The following CELA1 variants were observed in gnomAD, a reference collection of about 807,000 sequenced individuals.
CELA1 encodes chymotrypsin-like elastase family member 1.
A neutral mutation model predicts 34.8 loss-of-function variants in CELA1; 28 were observed. The observed-to-expected ratio is 0.80, with a 90% CI of 0.60 to 1.10. The LOEUF is 1.10. Ranked by LOEUF, CELA1 falls within the 50% of genes least tolerant of loss-of-function variation. The pLI is 0.00. For synonymous variants in CELA1, 140 were observed against 129.8 expected (o/e 1.08, Z -0.53); for missense variants, 288 against 327.5 (o/e 0.88, Z 0.93).
Position 51,339,905 on chromosome 12 carries a change from G to C in CELA1, c.564C>G (p.Asn188Lys), listed in dbSNP as rs747501515. 6.2e-7 allele frequency: 1 copy of C among 1,614,192 alleles called. No individual in the cohort carries two copies. Among genetic ancestry groups the C allele is most frequent in the South Asian group, 1.1e-5 (1 of 91,090 alleles). The change falls in exon 6 of 8, where the codon AAC becomes AAG. Residue 188 changes from asparagine to lysine, a missense_variant. Physicochemically the swap from Asn to Lys is moderately conservative, Grantham distance 94. Transcript: ENST00000293636. ...SSSYWGSTVK[N>K]TMVCAGGDGV... ...CATCTCCACCAGCACACACCATGGT[G>C]TTCTTCACAGTGGAGCCCCAGTAGG...
intron 4 of CELA1, 64 bp from the exon 5 acceptor site, chr12:51,341,444 C>A: frequency 1.9e-6 from 3 of 1,561,094 alleles, no homozygotes; most frequent in Non-Finnish European, 2.6e-6. Flanking sequence ...AGCATATACA[C>A]TGGCCCTCTC....
At chr12:51,340,394 T>C (rs1363624899) in intron 5 of CELA1, among the ~76,000 whole-genome samples, 2 of 149,148 alleles carry the variant, frequency 1.3e-5, no homozygotes, top group East Asian at 3.9e-4. Flanking sequence ...CTTTCTTTTT[T>C]TTTTTTTTTT....
chr12:51,346,657 C>A lies in CELA1; in HGVS notation c.-19G>T. 6.3e-7 allele frequency: 1 copy of A among 1,593,576 alleles called. No individual in the cohort carries two copies. Among genetic ancestry groups the A allele is most frequent in the Non-Finnish European group, 8.6e-7 (1 of 1,164,986 alleles). On this transcript the variant is annotated 5_prime_UTR_variant, in exon 1 of 8. Transcript: ENST00000293636. Reference sequence around the variant, plus strand: ...CCAGCATGTTGCCGATGGAGTAGACCACTGCCTTCTTGCTTGGACCAAGCC... The same window carrying A: ...CCAGCATGTTGCCGATGGAGTAGACAACTGCCTTCTTGCTTGGACCAAGCC...
chr12:51,334,411 TC>T (rs1338452104), intron 6 of CELA1, among the ~76,000 whole-genome samples: 3 of 152,110 alleles, frequency 2.0e-5, no homozygotes, highest in Admixed American at 2.0e-4. Context: ...TTCTTTGTAC[TC>T]ATACACACAA....
intron 4 of CELA1, among the ~76,000 whole-genome samples, chr12:51,342,333 C>T (rs2137482844): frequency 6.6e-6 from 1 of 152,316 alleles, no homozygotes; most frequent in African/African-American, 2.4e-5. Flanking sequence ...CTGTGCCTGG[C>T]TCAGAACCTA....
chr12:51,346,644 C>T lies in CELA1; in HGVS notation c.-6G>A, dbSNP rs752779760. ...TTACCATAAAGGACCAGCATGTTGCCGATGGAGTAGACCACTGCCTTCTTG... is the reference window on the plus strand; with the variant it reads ...TTACCATAAAGGACCAGCATGTTGCTGATGGAGTAGACCACTGCCTTCTTG... On this transcript the variant is annotated 5_prime_UTR_variant, in exon 1 of 8. Coordinates refer to ENST00000293636, the MANE Select transcript of CELA1 (RefSeq NM_001971.6). The T allele has an allele frequency of 3.3e-6, 5 of 1,497,376 alleles. No homozygotes were observed. Among genetic ancestry groups the T allele is most frequent in the South Asian group, 1.2e-5 (1 of 86,614 alleles). The allele number at this position is 1,497,376 out of a possible 1,614,324, so 92.8% of individuals were successfully genotyped here.
rs1240306121 is a variant in CELA1, at chr12:51,341,323, C to T, written c.384G>A (p.Gln128=). ...AQSVTLNSYV[Q]LGVLPQEGAI... ...CTCCCTCCTGGGGCAGAACACCCAGCTGGACATAGCTATTGAGGGTAACGC... is the reference window on the plus strand; with the variant it reads ...CTCCCTCCTGGGGCAGAACACCCAGTTGGACATAGCTATTGAGGGTAACGC... The change falls in exon 5 of 8, where the codon CAG becomes CAA. Residue 128 remains glutamine, a synonymous_variant. Coordinates refer to ENST00000293636, the MANE Select transcript of CELA1 (RefSeq NM_001971.6). 2.5e-6 allele frequency: 4 copies of T among 1,614,196 alleles called. No homozygotes were observed. In the Middle Eastern group the frequency reaches 6.6e-4, roughly 266 times the overall value.
intron 7 of CELA1, 102 bp from the exon 8 acceptor site, chr12:51,328,696 G>T: frequency 7.4e-7 from 1 of 1,359,342 alleles, no homozygotes; most frequent in Non-Finnish European, 1.0e-6. Context: ...CTGGGTTTAT[G>T]GGAAGTTGAC....
intron 7 of CELA1, 41 bp downstream of exon 7, chr12:51,329,643 C>A: frequency 6.4e-7 from 1 of 1,563,404 alleles, no homozygotes; most frequent in South Asian, 1.2e-5. Flanking sequence ...GCGTAGGTCT[C>A]CAGGTGACCC....
chr12:51,342,507 A>G, intron 4 of CELA1, 68 bp downstream of exon 4: 15 of 1,608,024 alleles, frequency 9.3e-6, no homozygotes, highest in Non-Finnish European at 1.2e-5. Flanking sequence ...AGAACAGGTG[A>G]AGGCAGCCAG....
intron 6 of CELA1, among the ~76,000 whole-genome samples, chr12:51,337,092 G>A (rs1330460653): frequency 1.3e-5 from 2 of 152,140 alleles, no homozygotes. Context: ...TGCCTCTCTA[G>A]TCTTACCTCC....
At chr12:51,342,552 G>A in intron 4 of CELA1, 23 bp downstream of exon 4, 2 of 1,613,820 alleles carry the variant, frequency 1.2e-6, no homozygotes, top group Non-Finnish European at 1.7e-6. Context: ...CCCAGCCCAG[G>A]GCCAGCTTGG....
In CELA1 at chr12:51,329,532, G is replaced by C. The variant is rs1018780679; in HGVS notation, c.759+152C>G. The stretch of plus-strand genomic sequence containing the variant: ...AGGATGGCAGCCTTATTGAAGGAAA[G>C]TACACCGTGGAAGGAAGGGAAGGGA... On this transcript the variant is annotated intron_variant, in intron 7 of 7. Coordinates refer to ENST00000293636, the MANE Select transcript of CELA1 (RefSeq NM_001971.6). The C allele has an allele frequency of 5.0e-6, 4 of 794,108 alleles. No homozygotes were observed. The African/African-American group carries it at 5.2e-5, about 10-fold the overall frequency. 49.2% of individuals were successfully genotyped at this position (794,108 alleles called of 1,614,324 possible). A position where few individuals can be genotyped will look rare whatever the true frequency, so the allele number is the denominator to read the frequency against.
intron 6 of CELA1, among the ~76,000 whole-genome samples, chr12:51,337,067 T>G (rs1592296678): frequency 6.6e-6 from 1 of 152,228 alleles, no homozygotes; most frequent in Non-Finnish European, 1.5e-5. Flanking sequence ...AGCCCTGAGT[T>G]GTACAGCTCT....
intron 4 of CELA1, 89 bp from the exon 5 acceptor site, chr12:51,341,469 C>G: frequency 2.1e-6 from 3 of 1,456,706 alleles, no homozygotes; most frequent in Non-Finnish European, 9.4e-7. Flanking sequence ...CATTTGTATC[C>G]CCGTGGAATT....
At chr12:51,338,289 T>C (rs10747610) in intron 6 of CELA1, among the ~76,000 whole-genome samples, 46,444 of 116,434 alleles carry the variant, frequency 0.4, 9,167 homozygotes, top group East Asian at 0.72. Flanking sequence ...CACACACACA[T>C]ACACATACGC....
chr12:51,344,819 G>A (rs547797431), intron 2 of CELA1, among the ~76,000 whole-genome samples: 1 of 152,112 alleles, frequency 6.6e-6, no homozygotes, highest in South Asian at 2.1e-4. Flanking sequence ...CCACTTCAGG[G>A]ACTACTTAGA....
rs1280822278 is a variant in CELA1 at position 51,334,663 on chromosome 12, T to A, written c.610-4830A>T. Among the ~76,000 whole-genome samples the A allele has an allele frequency of 1.3e-5, 2 of 152,318 alleles. 1 individual carries two copies. Among genetic ancestry groups the A allele is most frequent in the African/African-American group, 4.8e-5 (2 of 41,578 alleles). On this transcript the variant is annotated intron_variant, in intron 6 of 7. Transcript: ENST00000293636. ...GTTAGCCAGGATGGTCTCGATCTCC[T>A]GACCTCGTGATCCGCCTGCCTTGGC...
At chr12:51,329,895 C>T in intron 6 of CELA1, 62 bp from the exon 7 acceptor site, 1 of 1,463,384 alleles carries the variant, frequency 6.8e-7, no homozygotes, top group Non-Finnish European at 9.2e-7. Flanking sequence ...TTGCACTCCC[C>T]CCGCCCCCGT....
Sources: gnomAD v4.1 joint callset for allele counts (sites outside exome capture counted in the v4.1 genomes callset) on GRCh38, gnomAD v4.1.1 for gene constraint, MANE v1.5 for transcripts, NCBI Gene and HGNC (gene_info 2026-07-23, HGNC 2026-07-21) for gene names.